Variants in SSTR3 observed in about 807,000 individuals in gnomAD.
The protein encoded by SSTR3 is somatostatin receptor type 3.
For missense variants in SSTR3, 504 were observed against 604.7 expected (o/e 0.83, Z 1.75); for synonymous variants, 281 against 269.2 (o/e 1.04, Z -0.43).
chr22:37,208,817 T>G (rs934442148), intron 1 of SSTR3, among the ~76,000 whole-genome samples: 3 of 152,232 alleles, frequency 2.0e-5, no homozygotes, highest in African/African-American at 4.8e-5. Flanking sequence ...CATTGCTTTC[T>G]GCCCCATCAC....
At position 37,207,725 on chromosome 22, in the gene SSTR3, T is replaced by TG. The variant is rs763988939; in HGVS notation, c.78dup (p.Thr27HisfsTer36). 22 of 1,532,854 alleles carry TG rather than the reference T, an allele frequency of 1.4e-5. No individual in the cohort carries two copies. The highest frequency in any genetic ancestry group is 1.7e-5 in the Non-Finnish European group (19 of 1,139,916). 95.0% of individuals were successfully genotyped at this position (1,532,854 alleles called of 1,614,324 possible). A position where few individuals can be genotyped will look rare whatever the true frequency, so the allele number is the denominator to read the frequency against. Reference sequence around the variant, plus strand: ...GGGCCCGCCGACACGTTGCCCAGGGTGGCATCTGGGGGCCAGGCCGAGGAG... The same window carrying TG: ...GGGCCCGCCGACACGTTGCCCAGGGTGGGCATCTGGGGGCCAGGCCGAGGAG... On this transcript the variant is annotated frameshift_variant, in exon 2 of 2. Coordinates refer to ENST00000610913, the MANE Select transcript of SSTR3 (RefSeq NM_001051.5). LOFTEE classifies it low-confidence loss of function (END_TRUNC).
chr22:37,215,677 T>C (rs371291066), upstream of SSTR3: 12 of 234,392 alleles, frequency 5.1e-5, no homozygotes, highest in East Asian at 4.2e-4. Flanking sequence ...CAGCTTGCTA[T>C]GGTAATATGA....
Position 37,205,156 on chromosome 22 carries a change from G to C in SSTR3, c.*1391C>G, listed in dbSNP as rs1925646363. 6.6e-6 allele frequency: 1 copy of C among 152,398 alleles called. No individual in the cohort carries two copies. The highest frequency in any genetic ancestry group is 2.1e-4 in the South Asian group (1 of 4,842). 9.4% of individuals were successfully genotyped at this position (152,398 alleles called of 1,614,324 possible). A position where few individuals can be genotyped will look rare whatever the true frequency, so the allele number is the denominator to read the frequency against. ...GCTCCCCAGTCCTCCCAATGTCCCT[G>C]GTAGCCAGCTCCACCCTAGGGCTTT... On this transcript the variant is annotated 3_prime_UTR_variant, in exon 2 of 2. Transcript: ENST00000610913.
chr22:37,206,835 G>C lies in SSTR3; in HGVS notation c.969C>G (p.Gly323=). Residue 323 remains glycine (G), a synonymous_variant, in exon 2 of 2, where the codon GGC becomes GGG. Coordinates refer to ENST00000610913, the MANE Select transcript of SSTR3 (RefSeq NM_001051.5). ...YGFLSYRFKQ[G]FRRVLLRPSR... ...AGGGCCGCAGCAGGACCCTGCGGAA[G>C]CCCTGCTTGAAGCGGTAGGAGAGGA... 2 of 1,613,098 alleles carry C rather than the reference G, an allele frequency of 1.2e-6. No homozygotes were observed. Among genetic ancestry groups the C allele is most frequent in the Non-Finnish European group, 1.7e-6 (2 of 1,180,014 alleles).
At chr22:37,216,668 G>A (rs963737687), upstream of SSTR3, among the ~76,000 whole-genome samples, 3 of 152,184 alleles carry the variant, frequency 2.0e-5, no homozygotes, top group East Asian at 3.8e-4. Flanking sequence ...CTGACATCCC[G>A]AGATTCTCTC....
chr22:37,219,656 T>C, the SSTR3 span, among the ~76,000 whole-genome samples: 58 of 152,120 alleles, frequency 3.8e-4, no homozygotes, highest in African/African-American at 1.4e-3. Context: ...GAGTCTAGAC[T>C]CCAAAAAGTC....
chr22:37,206,733 A>G lies in SSTR3; in HGVS notation c.1071T>C (p.Asp357=). ...TGCCCCCCTCCCTGCTCTCCTCCCCATCCTCCTCCTCCTCATCCTCCTCCT... is the reference window on the plus strand; with the variant it reads ...TGCCCCCCTCCCTGCTCTCCTCCCCGTCCTCCTCCTCCTCATCCTCCTCCT... The part of the protein sequence containing the change: ...KTEEEDEEEE[D]GEESREGGKG... The change falls in exon 2 of 2, where the codon GAT becomes GAC. Residue 357 remains aspartate, a synonymous_variant. Coordinates refer to ENST00000610913, the MANE Select transcript of SSTR3 (RefSeq NM_001051.5). The G allele has an allele frequency of 6.3e-7, 1 of 1,597,796 alleles. No homozygotes were observed. Among genetic ancestry groups the G allele is most frequent in the Non-Finnish European group, 8.5e-7 (1 of 1,174,456 alleles).
In SSTR3 at chr22:37,206,603, G is replaced by A. The variant is rs768538578; in HGVS notation, c.1201C>T (p.Pro401Ser). 3.1e-6 allele frequency: 5 copies of A among 1,612,324 alleles called. No homozygotes were observed. Among genetic ancestry groups the A allele is most frequent in the Non-Finnish European group, 4.2e-6 (5 of 1,179,984 alleles). ...TTCTCCCCAGTGGAAGCCTCTTGGG[G>A]TAGGAGCTGCTGCTCCTTGCTGGCC... ...RVASKEQQLLPQEASTGEKSS... is the reference protein window; with the variant it reads ...RVASKEQQLLSQEASTGEKSS... Residue 401 changes from proline to serine, a missense_variant, in exon 2 of 2, where the codon CCC (proline) becomes TCC (serine). Physicochemically the swap from Pro to Ser is moderately conservative, Grantham distance 74. Transcript: ENST00000610913.
At chr22:37,213,680 G>C (rs1013196222), upstream of SSTR3, among the ~76,000 whole-genome samples, 1 of 152,192 alleles carries the variant, frequency 6.6e-6, no homozygotes, top group Non-Finnish European at 1.5e-5. Flanking sequence ...TGAGGTGTGG[G>C]TGGGCTCCTG....
the SSTR3 span, among the ~76,000 whole-genome samples, chr22:37,218,619 G>A: frequency 6.6e-6 from 1 of 151,776 alleles, no homozygotes; most frequent in African/African-American, 2.4e-5. Flanking sequence ...TGGGTAGGGA[G>A]GGTAGGAGTG....
intron 1 of SSTR3, among the ~76,000 whole-genome samples, chr22:37,208,538 C>T (rs915415176): frequency 6.6e-6 from 1 of 152,222 alleles, no homozygotes; most frequent in South Asian, 2.1e-4. Context: ...CCCCAGAGGC[C>T]GGCTGGGGTT....
At chr22:37,213,824 G>T (rs1178643754), upstream of SSTR3, among the ~76,000 whole-genome samples, 2 of 152,166 alleles carry the variant, frequency 1.3e-5, no homozygotes, top group Non-Finnish European at 2.9e-5. Flanking sequence ...GATTCCTGCC[G>T]CCTGCGCGGG....
chr22:37,215,419 G>A (rs937768591), upstream of SSTR3, among the ~76,000 whole-genome samples: 4 of 152,044 alleles, frequency 2.6e-5, no homozygotes, highest in Non-Finnish European at 2.9e-5. Context: ...GGAGTCTCGC[G>A]CTGTTGCCCG....
Position 37,206,442 on chromosome 22 carries a change from C to A in SSTR3, c.*105G>T, listed in dbSNP as rs987443883. On this transcript the variant is annotated 3_prime_UTR_variant, in exon 2 of 2. Coordinates refer to ENST00000610913, the MANE Select transcript of SSTR3 (RefSeq NM_001051.5). Reference sequence around the variant, plus strand: ...GGCAGCAATAGCATCAAAGTCCAGGCCCCTCAACATCCCATCATGGGCCTG... The same window carrying A: ...GGCAGCAATAGCATCAAAGTCCAGGACCCTCAACATCCCATCATGGGCCTG... 3.6e-5 allele frequency: 54 copies of A among 1,482,860 alleles called. No individual in the cohort carries two copies. The African/African-American group carries it at 7.2e-4, about 20-fold the overall frequency. 91.9% of individuals were successfully genotyped at this position (1,482,860 alleles called of 1,614,324 possible). A position where few individuals can be genotyped will look rare whatever the true frequency, so the allele number is the denominator to read the frequency against.
upstream of SSTR3, among the ~76,000 whole-genome samples, chr22:37,217,121 G>T (rs1268068986): frequency 6.6e-6 from 1 of 151,928 alleles, no homozygotes; most frequent in African/African-American, 2.4e-5. Context: ...TTTTGATGTA[G>T]CATAGCTCCC....
In SSTR3 at chr22:37,206,587, G is replaced by A. The variant is rs201953429; in HGVS notation, c.1217C>T (p.Thr406Ile). The A allele has an allele frequency of 4.3e-6, 7 of 1,612,228 alleles. No individual in the cohort carries two copies. Among genetic ancestry groups the A allele is most frequent in the African/African-American group, 1.3e-5 (1 of 75,068 alleles). Residue 406 changes from threonine (T) to isoleucine (I), a missense_variant, in exon 2 of 2, where the codon ACT becomes ATT. Physicochemically the swap from Thr to Ile is moderately conservative, Grantham distance 89 (BLOSUM62 -1). Transcript: ENST00000610913. ...EQQLLPQEAS[T>I]GEKSSTMRIS... ...GCGCATCGTGCTGGACTTCTCCCCAGTGGAAGCCTCTTGGGGTAGGAGCTG... is the reference window on the plus strand; with the variant it reads ...GCGCATCGTGCTGGACTTCTCCCCAATGGAAGCCTCTTGGGGTAGGAGCTG...
chr22:37,206,928 AAAG>A lies in SSTR3; in HGVS notation c.873_875del (p.Phe292del). 6.2e-7 allele frequency: 1 copy of A among 1,613,370 alleles called. No homozygotes were observed. The highest frequency in any genetic ancestry group is 8.5e-7 in the Non-Finnish European group (1 of 1,180,020). ...GCGCCACCACCAGGAAGTAGAGCCC[AAAG>A]AAGGCAGGCTCCTCGGGCAGTGGGC... On this transcript the variant is annotated inframe_deletion, in exon 2 of 2. Coordinates refer to ENST00000610913, the MANE Select transcript of SSTR3 (RefSeq NM_001051.5).
Position 37,206,754 on chromosome 22 carries a change from C to A in SSTR3, c.1050G>T (p.Glu350Asp). The stretch of plus-strand genomic sequence containing the variant: ...CCCCATCCTCCTCCTCCTCATCCTC[C>A]TCCTCAGTCTTCTCCGGGGGCCCCA... ...PTVGPPEKTEEEDEEEEDGEE... is the reference protein window; with the variant it reads ...PTVGPPEKTEDEDEEEEDGEE... The change falls in exon 2 of 2, where the codon GAG (glutamate) becomes GAT (aspartate). Residue 350 changes from glutamate (E) to aspartate (D), a missense_variant. Coordinates refer to ENST00000610913, the MANE Select transcript of SSTR3 (RefSeq NM_001051.5). 1 of 1,610,166 alleles carries A rather than the reference C, an allele frequency of 6.2e-7. No homozygotes were observed. Among genetic ancestry groups the A allele is most frequent in the Non-Finnish European group, 8.5e-7 (1 of 1,179,802 alleles).
At chr22:37,207,974 T>G (rs1925955019) in intron 1 of SSTR3, 135 bp from the exon 2 acceptor site, 1 of 1,332,318 alleles carries the variant, frequency 7.5e-7, no homozygotes, top group African/African-American at 1.5e-5. Flanking sequence ...AGATGGGAGG[T>G]GCTTAGCACG....
Sources: gnomAD v4.1 joint callset for allele counts (sites outside exome capture counted in the v4.1 genomes callset) on GRCh38, gnomAD v4.1.1 for gene constraint, MANE v1.5 for transcripts, NCBI Gene and HGNC (gene_info 2026-07-23, HGNC 2026-07-21) for gene names.